Variants in TNS1 observed in about 807,000 individuals in gnomAD.
TNS1 encodes the protein tensin 1.
TNS1 carries 62 observed loss-of-function variants against 168.6 expected under a neutral mutation model. The ratio of observed to expected loss-of-function variants is 0.37; its 90% CI spans 0.30 to 0.45. The LOEUF (loss-of-function observed/expected upper bound fraction) is 0.45. Ranked by LOEUF, TNS1 falls within the 20% of genes least tolerant of loss-of-function variation. TNS1 has a pLI of 1.00. For missense variants in TNS1, 2,240 were observed against 2,339.4 expected, an observed-to-expected ratio of 0.96 and a Z score of 0.88; for synonymous variants, 934 against 933.2, an observed-to-expected ratio of 1.00 and a Z score of -0.02.
intron 3 of TNS1, among the ~76,000 whole-genome samples, chr2:217,933,712 C>T (rs1956449559): frequency 6.6e-6 from 1 of 152,204 alleles, no homozygotes; most frequent in Non-Finnish European, 1.5e-5. Flanking sequence ...CCTTGGCAAG[C>T]AGCAAATTCT....
chr2:217,856,483 C>T (rs1419215043), intron 18 of TNS1, among the ~76,000 whole-genome samples: 3 of 152,118 alleles, frequency 2.0e-5, no homozygotes, highest in Admixed American at 6.5e-5. Context: ...CAGCCTGCAG[C>T]GAGCTCTGGA....
chr2:217,918,641 T>C (rs569560435), intron 4 of TNS1, among the ~76,000 whole-genome samples: 1 of 152,308 alleles, frequency 6.6e-6, no homozygotes, highest in Non-Finnish European at 1.5e-5. Context: ...TTCTGCCTGG[T>C]GGTCCCTAAA....
chr2:217,995,348 T>A lies in TNS1; in HGVS notation c.34-4292A>T, dbSNP rs1041064968. On this transcript the variant is annotated intron_variant, in intron 1 of 32. Coordinates refer to ENST00000682258, the MANE Select transcript of TNS1 (RefSeq NM_001387777.1). This position sits in a 1 kb window ranked among gnomAD's most constrained non-coding sequence, Gnocchi z 4.1. ...ATCCTCAAATATATGAAGGAACAGT[T>A]ATTGTAAGTAGGCACCAGACATCAT... Among the ~76,000 whole-genome samples, 2 of 152,050 alleles carry A rather than the reference T, an allele frequency of 1.3e-5. No homozygotes were observed. Among genetic ancestry groups the A allele is most frequent in the African/African-American group, 4.8e-5 (2 of 41,392 alleles).
rs1951061330 is a variant in TNS1 at position 217,885,085 on chromosome 2, T to C, written c.1196A>G (p.His399Arg). ...CTTCCCAAAGACAACCCCCAGGTCA[T>C]GGATGGCACAGGTGTGGAACTGCAC... Reference protein sequence around the residue: ...FRVQFHTCAIHDLGVVFGKED... With the variant: ...FRVQFHTCAIRDLGVVFGKED... Residue 399 changes from histidine (H) to arginine (R), a missense_variant, in exon 16 of 33, where the codon CAT (histidine) becomes CGT (arginine). Around this residue, in one of 2 missense-constraint regions of TNS1, gnomAD observed 2,131 missense variants for 2,171.2 expected, o/e 0.98. Transcript: ENST00000682258. 12 of 1,614,200 alleles carry C rather than the reference T, an allele frequency of 7.4e-6. No individual in the cohort carries two copies. Among genetic ancestry groups the C allele is most frequent in the Non-Finnish European group, 1.0e-5 (12 of 1,180,030 alleles).
intron 21 of TNS1, 133 bp downstream of exon 21, chr2:217,834,958 G>A (rs922611263): frequency 2.0e-5 from 13 of 657,352 alleles, no homozygotes; most frequent in Non-Finnish European, 3.3e-5. Flanking sequence ...ATGGGAGTGA[G>A]GAGCAGCACG....
At chr2:217,895,887 T>C (rs1952241135) in intron 8 of TNS1, among the ~76,000 whole-genome samples, 1 of 152,176 alleles carries the variant, frequency 6.6e-6, no homozygotes. Context: ...ATAGGCAGGA[T>C]AGAGAGAGGG....
chr2:217,993,971 G>C (rs1384107231), intron 1 of TNS1, among the ~76,000 whole-genome samples: 3 of 152,230 alleles, frequency 2.0e-5, no homozygotes, highest in East Asian at 1.9e-4. Context: ...CGTCAGGGAT[G>C]GGGGAGCAGA....
Position 217,836,083 on chromosome 2 carries a change from G to A in TNS1, c.3136C>T (p.Pro1046Ser), listed in dbSNP as rs748014803. Residue 1046 changes from proline to serine, a missense_variant, in exon 20 of 33, where the codon CCT becomes TCT. By Grantham distance (74) the Pro-to-Ser change is moderately conservative. This residue lies in a region of TNS1 where 2,131 missense variants were observed against 2,171.2 expected (regional missense o/e 0.98). Transcript: ENST00000682258. ...AGCTCCGGGGAGACACACTGGACAG[G>A]GGAGCGAACCCCAGGGCTACGAGGG... Reference protein sequence around the residue: ...TSPRSPGVRSPVQCVSPELAL... With the variant: ...TSPRSPGVRSSVQCVSPELAL... 16 of 1,614,052 alleles carry A rather than the reference G, an allele frequency of 9.9e-6. No individual in the cohort carries two copies. Among genetic ancestry groups the A allele is most frequent in the Middle Eastern group, 1.7e-4 (1 of 6,060 alleles).
intron 18 of TNS1, among the ~76,000 whole-genome samples, chr2:217,861,046 G>A (rs1948731427): frequency 6.6e-6 from 1 of 152,174 alleles, no homozygotes; most frequent in Non-Finnish European, 1.5e-5. Flanking sequence ...CTCCCCAGCT[G>A]CAAATAATAA....
intron 3 of TNS1, among the ~76,000 whole-genome samples, chr2:217,971,886 A>T (rs374352256): frequency 6.6e-6 from 1 of 152,212 alleles, no homozygotes; most frequent in Non-Finnish European, 1.5e-5. Flanking sequence ...AAGACATATC[A>T]TATTTGCCTA....
At chr2:217,868,610 C>A (rs1017458580) in intron 18 of TNS1, among the ~76,000 whole-genome samples, 1 of 152,206 alleles carries the variant, frequency 6.6e-6, no homozygotes, top group Non-Finnish European at 1.5e-5. Flanking sequence ...AGCTAGGTGC[C>A]CATAGATGAT....
chr2:217,858,030 G>C (rs111232738), intron 18 of TNS1, among the ~76,000 whole-genome samples: 1 of 152,144 alleles, frequency 6.6e-6, no homozygotes, highest in East Asian at 1.9e-4. Context: ...ACAGGAGGCC[G>C]GTGGGGAATG....
rs368029360 is a variant in TNS1, at chr2:217,895,032, G to T, written c.568C>A (p.Pro190Thr). 17 of 1,612,752 alleles carry T rather than the reference G, an allele frequency of 1.1e-5. No individual in the cohort carries two copies. The highest frequency in any genetic ancestry group is 1.4e-5 in the Non-Finnish European group (17 of 1,179,538). Reference protein sequence around the residue: ...YLLFNLSERRPDITKLHAKVL... With the variant: ...YLLFNLSERRTDITKLHAKVL... ...TTGGCATGGAGCTTCGTGATGTCAG[G>T]TCTCCGCTCAGAGAGGTTGAACAGC... The change falls in exon 9 of 33, where the codon CCT (proline) becomes ACT (threonine). Residue 190 changes from proline to threonine, a missense_variant. By Grantham distance (38) the Pro-to-Thr change is conservative. Around this residue, in one of 2 missense-constraint regions of TNS1, gnomAD observed 2,131 missense variants for 2,171.2 expected, o/e 0.98. Coordinates refer to ENST00000682258, the MANE Select transcript of TNS1 (RefSeq NM_001387777.1).
At chr2:217,993,290 ATACT>A (rs1208535253) in intron 1 of TNS1, among the ~76,000 whole-genome samples, 2 of 152,238 alleles carry the variant, frequency 1.3e-5, no homozygotes, top group Non-Finnish European at 2.9e-5. Context: ...AAGGCACAAG[ATACT>A]TACGTCATCT....
chr2:217,916,650 G>GC (rs1241959787), intron 4 of TNS1, among the ~76,000 whole-genome samples: 31 of 152,308 alleles, frequency 2.0e-4, no homozygotes, highest in Non-Finnish European at 2.5e-4. Context: ...AAGGCCTTGG[G>GC]CAACATCTGT....
intron 1 of TNS1, among the ~76,000 whole-genome samples, chr2:218,021,170 T>G (rs1019351982): frequency 4.6e-5 from 7 of 152,178 alleles, no homozygotes; most frequent in African/African-American, 1.4e-4. Context: ...CTCTGAGAGC[T>G]CTGCACAGCC....
At chr2:217,991,719 T>C (rs566129950) in intron 1 of TNS1, among the ~76,000 whole-genome samples, 6 of 152,194 alleles carry the variant, frequency 3.9e-5, no homozygotes, top group South Asian at 2.1e-4. Context: ...CTGATGGGCC[T>C]TCGCTTCTCT....
At chr2:217,849,642 A>C (rs1327707911) in intron 18 of TNS1, 1 of 984,982 alleles carries the variant, frequency 1.0e-6, no homozygotes, top group African/African-American at 1.7e-5. Context: ...AAGCATCCTC[A>C]GTCCCCTCCG....
chr2:218,021,912 AG>A (rs2106009824), intron 1 of TNS1, among the ~76,000 whole-genome samples: 1 of 152,336 alleles, frequency 6.6e-6, no homozygotes, highest in South Asian at 2.1e-4. Flanking sequence ...GCCAGGGTGA[AG>A]GGGCACCGTG....
Sources: gnomAD v4.1 joint callset for allele counts (sites outside exome capture counted in the v4.1 genomes callset) on GRCh38, gnomAD v4.1.1 for gene constraint, gnomAD v4.1.1 regional missense constraint, Gnocchi (gnomAD v3.1) non-coding constraint, MANE v1.5 for transcripts, NCBI Gene and HGNC (gene_info 2026-07-23, HGNC 2026-07-21) for gene names.